SEL1L2: variants seen among roughly 807,000 people sequenced by gnomAD.
The protein encoded by SEL1L2 is SEL1L2 adaptor subunit of SYVN1 ubiquitin ligase, also known as protein sel-1 homolog 2.
A neutral mutation model predicts 98.8 loss-of-function variants in SEL1L2; 89 were observed. The observed-to-expected ratio is 0.90, with a 90% CI of 0.76 to 1.07. SEL1L2 has a LOEUF of 1.07. Among genes scored for constraint, SEL1L2 ranks in the 50% least tolerant of loss-of-function variants. The pLI is 0.00. For missense variants in SEL1L2, 788 were observed against 812.0 expected (o/e 0.97, Z 0.36); for synonymous variants, 262 against 278.5 (o/e 0.94, Z 0.59).
intron 2 of SEL1L2, among the ~76,000 whole-genome samples, chr20:13,946,242 C>A (rs1315636267): frequency 6.6e-6 from 1 of 151,982 alleles, no homozygotes; most frequent in Non-Finnish European, 1.5e-5. Context: ...GTAGAAATCC[C>A]TAGAGATTCT....
intron 4 of SEL1L2, chr20:13,915,359 G>A (rs1437611690): frequency 2.0e-5 from 15 of 738,574 alleles, no homozygotes; most frequent in South Asian, 3.5e-5. Context: ...TTCTGGAGGC[G>A]GGAAGGCAAA....
At chr20:13,989,177 T>A (rs1677787691) in intron 1 of SEL1L2, among the ~76,000 whole-genome samples, 2 of 152,214 alleles carry the variant, frequency 1.3e-5, no homozygotes, top group South Asian at 4.1e-4. Context: ...TTTGTGGTCA[T>A]CAGAATATGA....
intron 5 of SEL1L2, among the ~76,000 whole-genome samples, chr20:13,910,473 A>G (rs1228557142): frequency 6.6e-6 from 1 of 152,236 alleles, no homozygotes; most frequent in Admixed American, 6.5e-5. Context: ...TAGAAGAGCT[A>G]TTATGTGATA....
intron 1 of SEL1L2, among the ~76,000 whole-genome samples, chr20:13,986,208 T>G (rs774938533): frequency 6.6e-6 from 1 of 152,250 alleles, no homozygotes; most frequent in Non-Finnish European, 1.5e-5. Flanking sequence ...ATTGCCAGAC[T>G]GTTTACCAAA....
chr20:13,950,314 C>G (rs1056308751), intron 2 of SEL1L2, among the ~76,000 whole-genome samples: 1 of 151,994 alleles, frequency 6.6e-6, no homozygotes, highest in African/African-American at 2.4e-5. Flanking sequence ...TGTTAAAATG[C>G]TAAATTTTAT....
intron 5 of SEL1L2, among the ~76,000 whole-genome samples, chr20:13,903,337 C>G (rs1048016910): frequency 5.9e-5 from 9 of 152,128 alleles, no homozygotes; most frequent in African/African-American, 2.2e-4. Flanking sequence ...GGTTCCTCCT[C>G]ACTCCTTCTC....
At chr20:13,869,805 T>C (rs1346283945) in intron 13 of SEL1L2, among the ~76,000 whole-genome samples, 1 of 152,174 alleles carries the variant, frequency 6.6e-6, no homozygotes, top group Non-Finnish European at 1.5e-5. Context: ...TTTTTCTACA[T>C]TGACAGTAAG....
intron 2 of SEL1L2, among the ~76,000 whole-genome samples, chr20:13,932,346 T>A (rs575004618): frequency 2.0e-5 from 3 of 152,026 alleles, no homozygotes; most frequent in African/African-American, 7.2e-5. Flanking sequence ...TAAATATTCA[T>A]GATTTACCTA....
chr20:13,880,508 ACAC>A (rs1412915367), intron 10 of SEL1L2, among the ~76,000 whole-genome samples: 1 of 152,118 alleles, frequency 6.6e-6, no homozygotes, highest in African/African-American at 2.4e-5. Flanking sequence ...CCTTTATTAA[ACAC>A]CACGTGAAAC....
chr20:13,934,036 T>C (rs1444645958), intron 2 of SEL1L2, among the ~76,000 whole-genome samples: 1 of 150,620 alleles, frequency 6.6e-6, no homozygotes, highest in Non-Finnish European at 1.5e-5. Context: ...AGTTCTTTCA[T>C]GGTGATTTGT....
intron 2 of SEL1L2, among the ~76,000 whole-genome samples, chr20:13,937,206 C>A (rs1280206512): frequency 2.6e-5 from 4 of 152,210 alleles, no homozygotes; most frequent in Non-Finnish European, 2.9e-5. Flanking sequence ...ACGGTGATGG[C>A]CCTCCCTCTG....
At chr20:13,914,199 T>G (rs978891057) in intron 4 of SEL1L2, among the ~76,000 whole-genome samples, 2 of 152,170 alleles carry the variant, frequency 1.3e-5, no homozygotes, top group African/African-American at 4.8e-5. Context: ...TCTTATACAC[T>G]GATACAGAAA....
chr20:13,902,803 T>G (rs905713899), intron 5 of SEL1L2, among the ~76,000 whole-genome samples: 1 of 152,106 alleles, frequency 6.6e-6, no homozygotes, highest in Non-Finnish European at 1.5e-5. Context: ...TTTGTCAAAT[T>G]AATCAATGCA....
Position 13,983,583 on chromosome 20 carries a change from C to G in SEL1L2, c.58+6894G>C, listed in dbSNP as rs373891788. On this transcript the variant is annotated intron_variant, in intron 1 of 19. Transcript: ENST00000284951. ...TTGCCCAGGCTGGAGTGCAATGGCA[C>G]GATCTCAACTCACTGCAACCCTCTG... Among the ~76,000 whole-genome samples, 6 of 151,976 alleles carry G rather than the reference C, an allele frequency of 3.9e-5. No individual in the cohort carries two copies. The East Asian group carries it at 7.7e-4, about 20-fold the overall frequency.
chr20:13,851,833 G>C (rs73612317), intron 18 of SEL1L2, among the ~76,000 whole-genome samples: 17,697 of 151,516 alleles, frequency 0.12, 1,166 homozygotes, highest in East Asian at 0.18. Flanking sequence ...AATCCTTGAG[G>C]ATGCTGTTAA....
At chr20:13,979,498 ACT>A (rs1249952292) in intron 1 of SEL1L2, among the ~76,000 whole-genome samples, 1 of 152,216 alleles carries the variant, frequency 6.6e-6, no homozygotes, top group Non-Finnish European at 1.5e-5. Flanking sequence ...CTGAAGTATC[ACT>A]CTGCATCGTT....
At chr20:13,983,046 A>AAAAAAAAAAAAAAAAAAAAAAAC (rs2051933722) in intron 1 of SEL1L2, among the ~76,000 whole-genome samples, 2 of 145,524 alleles carry the variant, frequency 1.4e-5, no homozygotes, top group African/African-American at 2.5e-5. Flanking sequence ...AAAAAAAAAA[A>AAAAAAAAAAAAAAAAAAAAAAAC]AAGCAGCAGC....
At chr20:13,885,004 C>G (rs2046882986) in intron 10 of SEL1L2, among the ~76,000 whole-genome samples, 1 of 152,140 alleles carries the variant, frequency 6.6e-6, no homozygotes. Context: ...CTGCAGCTGG[C>G]CTTGTGTGCA....
chr20:13,876,414 T>C (rs1315305179), intron 11 of SEL1L2, among the ~76,000 whole-genome samples: 1 of 150,108 alleles, frequency 6.7e-6, no homozygotes, highest in Admixed American at 6.6e-5. Context: ...CTCTTTTTTT[T>C]TTTTTTTTTT....
Sources: allele counts gnomAD v4.1 joint callset (sites outside exome capture counted in the v4.1 genomes callset), GRCh38; gene constraint gnomAD v4.1.1; transcripts MANE v1.5; gene names NCBI Gene and HGNC (gene_info 2026-07-23, HGNC 2026-07-21).